The following TRIM16 variants were observed in gnomAD, a reference collection of about 807,000 sequenced individuals.
TRIM16 encodes the protein tripartite motif containing 16.
TRIM16 carries 33 observed loss-of-function variants against 50.4 expected under a neutral mutation model. The ratio of observed to expected loss-of-function variants is 0.65; its 90% CI spans 0.50 to 0.88. The LOEUF is 0.88. Ranked by LOEUF, TRIM16 falls within the 40% of genes least tolerant of loss-of-function variation. The probability of loss-of-function intolerance (pLI) is 0.00; values close to 1 mark genes in which losing one functional copy is unlikely to be tolerated. For synonymous variants in TRIM16, 229 were observed against 270.7 expected (o/e 0.85, Z 1.51); for missense variants, 581 against 686.8 (o/e 0.85, Z 1.72).
intron 6 of TRIM16, among the ~76,000 whole-genome samples, chr17:15,673,292 C>T (rs1314677527): frequency 6.6e-6 from 1 of 152,192 alleles, no homozygotes; most frequent in East Asian, 1.9e-4. Flanking sequence ...CAGATATCAC[C>T]GTTTATTCAG....
chr17:15,651,206 T>C lies in TRIM16; in HGVS notation c.404A>G (p.His135Arg), dbSNP rs772418858. ...DHNWRYCPAH[H>R]SPLSAFCCPD... Reference sequence around the variant, plus strand: ...GCAGCAGAAGGCAGACAGTGGGCTGTGGTGGGCAGGGCAGTATCGCCAGTT... The same window carrying C: ...GCAGCAGAAGGCAGACAGTGGGCTGCGGTGGGCAGGGCAGTATCGCCAGTT... The change falls in exon 7 of 12, where the codon CAC (histidine) becomes CGC (arginine). Residue 135 changes from histidine to arginine, a missense_variant. Around this residue, in one of 3 missense-constraint regions of TRIM16, gnomAD observed 450 missense variants for 544.3 expected, o/e 0.83. Transcript: ENST00000649191. 1.2e-6 allele frequency: 2 copies of C among 1,614,214 alleles called. No individual in the cohort carries two copies. Among genetic ancestry groups the C allele is most frequent in the Admixed American group, 1.7e-5 (1 of 60,030 alleles).
chr17:15,674,876 C>A, intron 6 of TRIM16, among the ~76,000 whole-genome samples: 1 of 152,058 alleles, frequency 6.6e-6, no homozygotes, highest in Non-Finnish European at 1.5e-5. Context: ...AAGCTGCCCA[C>A]AGGAGGGTAT....
chr17:15,631,521 C>T, intron 11 of TRIM16, 98 bp downstream of exon 11: 1 of 1,080,982 alleles, frequency 9.3e-7, no homozygotes, highest in Middle Eastern at 2.1e-4. Context: ...TATGAAGTTG[C>T]AAGAACCTGA....
At chr17:15,681,466 C>T (rs568352148) in intron 3 of TRIM16, among the ~76,000 whole-genome samples, 1 of 152,320 alleles carries the variant, frequency 6.6e-6, no homozygotes, top group African/African-American at 2.4e-5. Context: ...GTTAACACCA[C>T]ACACGCTCCA....
Position 15,651,259 on chromosome 17 carries a change from G to A in TRIM16, c.351C>T (p.His117=). The A allele has an allele frequency of 3.1e-6, 5 of 1,614,228 alleles. No homozygotes were observed. The highest frequency in any genetic ancestry group is 3.3e-5 in the Admixed American group (2 of 60,026). Residue 117 remains histidine (H), a synonymous_variant, in exon 7 of 12, where the codon CAC becomes CAT. Coordinates refer to ENST00000649191, the MANE Select transcript of TRIM16 (RefSeq NM_001348119.1). ...PHQVNIKLQS[H]LLTEPVKDHN... ...GGTCCTTCACTGGCTCGGTCAGCAGGTGGCTTTGCAGTTTGATGTTCACCT... is the reference window on the plus strand; with the variant it reads ...GGTCCTTCACTGGCTCGGTCAGCAGATGGCTTTGCAGTTTGATGTTCACCT...
Position 15,651,890 on chromosome 17 carries a change from TG to T in TRIM16, c.-282del, listed in dbSNP as rs912680253. On this transcript the variant is annotated 5_prime_UTR_variant, in exon 7 of 12. The change creates a premature stop within an existing upstream ORF in the 5' untranslated region. Coordinates refer to ENST00000649191, the MANE Select transcript of TRIM16 (RefSeq NM_001348119.1). The stretch of plus-strand genomic sequence containing the variant: ...TCCAGCCCTGAAACTTCTATTCTTA[TG>T]TGAATCATCTGAACCCCATAGGCTC... 5 of 1,374,314 alleles carry T rather than the reference TG, an allele frequency of 3.6e-6. No homozygotes were observed. The African/African-American group carries it at 7.3e-5, about 20-fold the overall frequency. 85.1% of individuals were successfully genotyped at this position (1,374,314 alleles called of 1,614,324 possible). A position where few individuals can be genotyped will look rare whatever the true frequency, so the allele number is the denominator to read the frequency against.
chr17:15,679,023 G>A (rs1187714339), intron 4 of TRIM16, among the ~76,000 whole-genome samples: 2 of 152,002 alleles, frequency 1.3e-5, no homozygotes, highest in South Asian at 2.1e-4. Context: ...CTACAGGTGT[G>A]AGCCACCACG....
chr17:15,659,140 C>T (rs1988104409), intron 6 of TRIM16, among the ~76,000 whole-genome samples: 1 of 152,164 alleles, frequency 6.6e-6, no homozygotes, highest in African/African-American at 2.4e-5. Flanking sequence ...TGGCACACAG[C>T]CTGAAGGACC....
At chr17:15,671,984 T>C (rs28667465) in intron 6 of TRIM16, among the ~76,000 whole-genome samples, 3,475 of 152,210 alleles carry the variant, frequency 0.023, 135 homozygotes, top group African/African-American at 0.078. Flanking sequence ...AAAGTATTAA[T>C]GCCTCCTCCG....
intron 6 of TRIM16, among the ~76,000 whole-genome samples, chr17:15,660,789 T>C (rs980671601): frequency 6.6e-6 from 1 of 150,592 alleles, no homozygotes; most frequent in Non-Finnish European, 1.5e-5. Context: ...TCCCAGCTAC[T>C]TGGGAGGCTG....
chr17:15,628,627 C>T lies in TRIM16; in HGVS notation c.1683G>A (p.Gly561=). The T allele has an allele frequency of 1.2e-6, 2 of 1,608,882 alleles. No individual in the cohort carries two copies. Among genetic ancestry groups the T allele is most frequent in the Non-Finnish European group, 1.7e-6 (2 of 1,176,938 alleles). ...EPEKPAPSLV[G]TAP is the part of the protein sequence containing the mutation. ...TGGCTCCTGGAGTCTAGGGAGCAGT[C>T]CCCACCAAGGACGGTGCTGGCTTCT... Residue 561 remains glycine (G), a synonymous_variant, in exon 12 of 12, where the codon GGG becomes GGA. Coordinates refer to ENST00000649191, the MANE Select transcript of TRIM16 (RefSeq NM_001348119.1).
chr17:15,654,548 T>C (rs894877885), intron 6 of TRIM16: 3 of 152,242 alleles, frequency 2.0e-5, no homozygotes, highest in African/African-American at 7.2e-5. Context: ...AAAAATTAAC[T>C]GCTTGTTTTT....
intron 6 of TRIM16, among the ~76,000 whole-genome samples, chr17:15,662,764 C>G (rs1988298764): frequency 6.6e-6 from 1 of 152,256 alleles, no homozygotes; most frequent in East Asian, 1.9e-4. Flanking sequence ...GATAAGAAAA[C>G]AGTAACTTAA....
At chr17:15,662,990 T>C (rs994249888) in intron 6 of TRIM16, among the ~76,000 whole-genome samples, 1 of 152,038 alleles carries the variant, frequency 6.6e-6, no homozygotes, top group Admixed American at 6.6e-5. Flanking sequence ...TGAGTTTCTT[T>C]AGACTTGGGC....
intron 11 of TRIM16, among the ~76,000 whole-genome samples, chr17:15,629,642 CA>C (rs1449016432): frequency 6.6e-6 from 1 of 152,262 alleles, no homozygotes; most frequent in Non-Finnish European, 1.5e-5. Flanking sequence ...ATGAATGGAT[CA>C]AATGGAGCAT....
chr17:15,675,532 T>C (rs201142037), intron 6 of TRIM16: 1 of 170,142 alleles, frequency 5.9e-6, no homozygotes, highest in African/African-American at 2.4e-5. Flanking sequence ...TTACAAAACA[T>C]ATAAAGGTCT....
intron 7 of TRIM16, among the ~76,000 whole-genome samples, chr17:15,646,671 G>GA (rs1407811619): frequency 6.8e-6 from 1 of 147,506 alleles, no homozygotes; most frequent in African/African-American, 2.6e-5. Flanking sequence ...TGTTAGAGAT[G>GA]AAAAATAGAA....
chr17:15,643,771 G>A (rs974108390), intron 7 of TRIM16, among the ~76,000 whole-genome samples: 1 of 152,236 alleles, frequency 6.6e-6, no homozygotes, highest in African/African-American at 2.4e-5. Context: ...GTTCATCAAT[G>A]GAGTTGAGCC....
chr17:15,673,248 T>C (rs1988793368), intron 6 of TRIM16, among the ~76,000 whole-genome samples: 1 of 152,234 alleles, frequency 6.6e-6, no homozygotes, highest in East Asian at 1.9e-4. Context: ...TTCTTAAAGT[T>C]ACGAAGGATT....
Sources: gnomAD v4.1 joint callset for allele counts (sites outside exome capture counted in the v4.1 genomes callset) on GRCh38, gnomAD v4.1.1 for gene constraint, gnomAD v4.1.1 regional missense constraint, MANE v1.5 for transcripts, NCBI Gene and HGNC (gene_info 2026-07-23, HGNC 2026-07-21) for gene names.